The following SHISA9 variants were observed in gnomAD, a reference collection of about 807,000 sequenced individuals.
SHISA9 encodes protein shisa-9.
In SHISA9, 13 loss-of-function variants were observed where a neutral mutation model predicts 38.0. That is an observed-to-expected ratio of 0.34 (90% confidence interval 0.22 to 0.54). SHISA9 has a LOEUF of 0.54. Among genes scored for constraint, SHISA9 ranks in the 20% least tolerant of loss-of-function variants. SHISA9 has a pLI of 0.91. For synonymous variants in SHISA9, 275 were observed against 242.0 expected, an observed-to-expected ratio of 1.14 and a Z score of -1.27; for missense variants, 538 against 575.8, an observed-to-expected ratio of 0.93 and a Z score of 0.67.
intron 2 of SHISA9, among the ~76,000 whole-genome samples, chr16:12,996,680 G>T (rs1414524192): frequency 1.3e-5 from 2 of 152,116 alleles, no homozygotes; most frequent in African/African-American, 4.8e-5. Context: ...AGGGTCTTTG[G>T]ATGTGTCTCA....
intron 4 of SHISA9, among the ~76,000 whole-genome samples, chr16:13,227,711 T>C (rs543121454): frequency 6.6e-6 from 1 of 152,356 alleles, no homozygotes; most frequent in Non-Finnish European, 1.5e-5. Context: ...CCAGCTGTAA[T>C]GTTAGCTTGT....
rs2141700770 is a variant in SHISA9, at chr16:12,902,586, G to A, written c.522G>A (p.Gly174=). 1 of 1,551,024 alleles carries A rather than the reference G, an allele frequency of 6.4e-7. No homozygotes were observed. The highest frequency in any genetic ancestry group is 2.4e-5 in the East Asian group (1 of 40,882). Residue 174 remains glycine, a synonymous_variant, in exon 1 of 5, where the codon GGG becomes GGA. Transcript: ENST00000558583. ...MVLVGIFTKL[G]LEKAHRPQRE... ...TCGTGGGCATCTTCACCAAGCTGGG[G>A]CTGGAGAAAGCGCACCGGCCCCAAA...
At chr16:13,133,545 C>A (rs750881277) in intron 2 of SHISA9, among the ~76,000 whole-genome samples, 5 of 152,142 alleles carry the variant, frequency 3.3e-5, no homozygotes, top group Non-Finnish European at 7.4e-5. Context: ...TCTGTCCCCA[C>A]ATCTCAGGTT....
At chr16:13,113,047 T>C (rs1048314603) in intron 2 of SHISA9, among the ~76,000 whole-genome samples, 2 of 151,442 alleles carry the variant, frequency 1.3e-5, no homozygotes, top group Non-Finnish European at 2.9e-5. Flanking sequence ...CCATCTCTAT[T>C]AAAAATACAA....
At chr16:12,920,184 G>T (rs545699038) in intron 2 of SHISA9, among the ~76,000 whole-genome samples, 3 of 149,080 alleles carry the variant, frequency 2.0e-5, no homozygotes, top group East Asian at 2.0e-4. Context: ...GGTACGGGGA[G>T]GGGGGAGGGA....
chr16:13,297,223 G>C, the SHISA9 span, among the ~76,000 whole-genome samples: 2 of 151,992 alleles, frequency 1.3e-5, no homozygotes, highest in Non-Finnish European at 1.5e-5. Context: ...TTCTATAAAG[G>C]CTACCTTGAT....
intron 2 of SHISA9, among the ~76,000 whole-genome samples, chr16:13,043,851 G>T (rs2073159342): frequency 6.6e-6 from 1 of 152,192 alleles, no homozygotes; most frequent in Non-Finnish European, 1.5e-5. Flanking sequence ...TCTCCCAGTG[G>T]ATCTATTCGT....
At chr16:12,919,480 A>T (rs544877599) in intron 2 of SHISA9, among the ~76,000 whole-genome samples, 1 of 152,310 alleles carries the variant, frequency 6.6e-6, no homozygotes, top group Admixed American at 6.5e-5. Context: ...CCCACTCAAC[A>T]TTGCTTTAAG....
intron 2 of SHISA9, among the ~76,000 whole-genome samples, chr16:12,921,974 G>C (rs2071334755): frequency 6.6e-6 from 1 of 152,196 alleles, no homozygotes; most frequent in South Asian, 2.1e-4. Flanking sequence ...TCATAAGGAT[G>C]GGGAAACTGA....
intron 2 of SHISA9, among the ~76,000 whole-genome samples, chr16:13,154,275 C>A (rs2050523748): frequency 6.6e-6 from 1 of 152,190 alleles, no homozygotes. Context: ...CCAAATACTT[C>A]CTGTTCTCCT....
the SHISA9 span, among the ~76,000 whole-genome samples, chr16:13,494,917 C>T: frequency 1.3e-5 from 2 of 152,306 alleles, no homozygotes; most frequent in African/African-American, 4.8e-5. Flanking sequence ...TACATTGATA[C>T]ATGCAACACC....
chr16:13,460,144 G>A, the SHISA9 span, among the ~76,000 whole-genome samples: 1 of 152,078 alleles, frequency 6.6e-6, no homozygotes, highest in Non-Finnish European at 1.5e-5. Context: ...AGTGTCTACT[G>A]CATACCCATC....
chr16:13,156,406 C>T (rs2050547412), intron 2 of SHISA9, among the ~76,000 whole-genome samples: 1 of 152,162 alleles, frequency 6.6e-6, no homozygotes, highest in Non-Finnish European at 1.5e-5. Context: ...ATCCTGCCAA[C>T]ACTCATTGAT....
chr16:13,111,239 T>A (rs903876985), intron 2 of SHISA9, among the ~76,000 whole-genome samples: 2 of 151,576 alleles, frequency 1.3e-5, no homozygotes, highest in East Asian at 3.9e-4. Context: ...AAAGAAACTA[T>A]CATCAGAGTG....
the SHISA9 span, among the ~76,000 whole-genome samples, chr16:13,406,936 C>A: frequency 6.6e-6 from 1 of 151,722 alleles, no homozygotes; most frequent in Non-Finnish European, 1.5e-5. Flanking sequence ...GGTGTGGTGG[C>A]GCGTGTCTGT....
chr16:13,181,304 TATATATATAC>T (rs1198700312), intron 2 of SHISA9, among the ~76,000 whole-genome samples: 1,053 of 42,182 alleles, frequency 0.025, 5 homozygotes, highest in African/African-American at 0.075. Context: ...TATATATATA[TATATATATAC>T]ACACACACAC....
the SHISA9 span, among the ~76,000 whole-genome samples, chr16:13,309,086 T>A: frequency 6.6e-6 from 1 of 152,208 alleles, no homozygotes; most frequent in Non-Finnish European, 1.5e-5. Flanking sequence ...GGAATTTTGT[T>A]TTCTGCTTTA....
At chr16:12,928,027 A>C (rs996276079) in intron 2 of SHISA9, among the ~76,000 whole-genome samples, 2 of 152,224 alleles carry the variant, frequency 1.3e-5, no homozygotes, top group African/African-American at 4.8e-5. Flanking sequence ...CTTAAAAACA[A>C]TTGCTTTCAT....
chr16:13,515,207 A>G, the SHISA9 span, among the ~76,000 whole-genome samples: 33 of 152,238 alleles, frequency 2.2e-4, no homozygotes, highest in African/African-American at 7.9e-4. Flanking sequence ...AAAGTCTAGT[A>G]ATAAGAAAAG....
Sources: allele counts gnomAD v4.1 joint callset (sites outside exome capture counted in the v4.1 genomes callset), GRCh38; gene constraint gnomAD v4.1.1; transcripts MANE v1.5; gene names NCBI Gene and HGNC (gene_info 2026-07-23, HGNC 2026-07-21).